Variants in UNC79 observed in about 807,000 individuals in gnomAD.
UNC79 encodes the protein protein unc-79 homolog.
In UNC79, 37 loss-of-function variants were observed where a neutral mutation model predicts 283.1. That is an observed-to-expected ratio of 0.13 (90% confidence interval 0.10 to 0.17). The LOEUF (loss-of-function observed/expected upper bound fraction) is 0.17, where lower values mean the gene tolerates loss of function less well. UNC79 is among the 10% of genes least tolerant of loss of function. The pLI is 1.00. For synonymous variants in UNC79, 1,107 were observed against 1,200.2 expected (o/e 0.92, Z 1.61); for missense variants, 2,272 against 3,211.1 (o/e 0.71, Z 7.07).
chr14:93,593,884 G>A (rs762698793), intron 23 of UNC79, 47 bp downstream of exon 23: 11 of 1,512,066 alleles, frequency 7.3e-6, no homozygotes, highest in Admixed American at 6.5e-5. Context: ...CACAGTACAC[G>A]GGTGTCTGGT....
At chr14:93,695,850 C>T (rs1333766544) in intron 47 of UNC79, among the ~76,000 whole-genome samples, 2 of 126,854 alleles carry the variant, frequency 1.6e-5, no homozygotes, top group Non-Finnish European at 3.2e-5. Flanking sequence ...TAGATTTTGC[C>T]ACTGCAGTCC....
intron 8 of UNC79, among the ~76,000 whole-genome samples, chr14:93,526,224 G>A (rs1441212748): frequency 6.6e-6 from 1 of 152,116 alleles, no homozygotes; most frequent in Non-Finnish European, 1.5e-5. Flanking sequence ...TTCCTGTGCT[G>A]GGGCCATTTT....
intron 26 of UNC79, among the ~76,000 whole-genome samples, chr14:93,604,646 A>T (rs74073834): frequency 0.076 from 11,605 of 152,304 alleles, 1,016 homozygotes; most frequent in African/African-American, 0.22. Context: ...AATATAAAGT[A>T]TATTTATTGT....
intron 5 of UNC79, among the ~76,000 whole-genome samples, chr14:93,496,044 A>G (rs184957056): frequency 1.4e-4 from 22 of 152,364 alleles, no homozygotes; most frequent in African/African-American, 5.3e-4. Context: ...TACGGTATCT[A>G]GCAAATAATG....
At chr14:93,639,389 C>T (rs1256670586) in intron 32 of UNC79, among the ~76,000 whole-genome samples, 3 of 152,156 alleles carry the variant, frequency 2.0e-5, no homozygotes, top group East Asian at 1.9e-4. Flanking sequence ...ATGCGGTTTA[C>T]CGTGCTATTT....
At chr14:93,610,991 T>C (rs1387208283) in intron 26 of UNC79, among the ~76,000 whole-genome samples, 1 of 152,248 alleles carries the variant, frequency 6.6e-6, no homozygotes, top group Non-Finnish European at 1.5e-5. Flanking sequence ...ACATAGGTAT[T>C]GTATTTGGTC....
At chr14:93,348,923 G>T (rs893675579) in intron 1 of UNC79, among the ~76,000 whole-genome samples, 1 of 152,200 alleles carries the variant, frequency 6.6e-6, no homozygotes, top group African/African-American at 2.4e-5. Flanking sequence ...TAGAAGTTGG[G>T]CAACCCGCTG....
chr14:93,344,673 CAG>C (rs1441102580), intron 1 of UNC79, among the ~76,000 whole-genome samples: 1 of 152,202 alleles, frequency 6.6e-6, no homozygotes, highest in African/African-American at 2.4e-5. Flanking sequence ...GGCCAGGAAA[CAG>C]AGCAATGTTG....
At chr14:93,483,517 T>A (rs1265189763) in intron 4 of UNC79, among the ~76,000 whole-genome samples, 1 of 137,384 alleles carries the variant, frequency 7.3e-6, no homozygotes, top group Non-Finnish European at 1.6e-5. Flanking sequence ...AAGACCTGTC[T>A]GTCTTTTTTT....
intron 13 of UNC79, 131 bp downstream of exon 13, chr14:93,540,962 T>C: frequency 8.8e-6 from 10 of 1,133,428 alleles, no homozygotes; most frequent in Non-Finnish European, 1.2e-5. Flanking sequence ...GGGCTGAAGC[T>C]ATGGCAATAG....
intron 14 of UNC79, among the ~76,000 whole-genome samples, chr14:93,571,243 T>G (rs1460819116): frequency 6.6e-6 from 1 of 152,236 alleles, no homozygotes; most frequent in East Asian, 1.9e-4. Context: ...ATATACGATC[T>G]CTAACATCAG....
At chr14:93,674,006 C>T (rs187347052) in intron 41 of UNC79, among the ~76,000 whole-genome samples, 4 of 152,204 alleles carry the variant, frequency 2.6e-5, no homozygotes, top group Non-Finnish European at 5.9e-5. Context: ...GGCAGGCTTT[C>T]GAGAACTGGC....
intron 7 of UNC79, among the ~76,000 whole-genome samples, chr14:93,506,053 T>G (rs1268557237): frequency 6.6e-6 from 1 of 152,036 alleles, no homozygotes; most frequent in Non-Finnish European, 1.5e-5. Flanking sequence ...TCTTGCTATT[T>G]TCCCCTTTTT....
At chr14:93,594,279 T>C (rs915025750) in intron 23 of UNC79, among the ~76,000 whole-genome samples, 1 of 150,224 alleles carries the variant, frequency 6.7e-6, no homozygotes, top group Non-Finnish European at 1.5e-5. Context: ...GTTTTTTGTG[T>C]TTTTTTTTGA....
At chr14:93,669,701 TA>T (rs1366032565) in intron 40 of UNC79, among the ~76,000 whole-genome samples, 3 of 152,042 alleles carry the variant, frequency 2.0e-5, no homozygotes, top group Admixed American at 2.0e-4. Flanking sequence ...TTAAAAAAAT[TA>T]GCTGGGCATG....
At chr14:93,435,718 T>C (rs1031635856) in intron 1 of UNC79, among the ~76,000 whole-genome samples, 1 of 152,244 alleles carries the variant, frequency 6.6e-6, no homozygotes, top group South Asian at 2.1e-4. Context: ...CTAAACTTTT[T>C]ACTCTCTGCC....
At chr14:93,668,978 T>TAAAAAAAAAAAAAAAA (rs543609091) in intron 40 of UNC79, among the ~76,000 whole-genome samples, 1 of 79,898 alleles carries the variant, frequency 1.3e-5, no homozygotes, top group African/African-American at 4.4e-5. Context: ...GAACATTGTC[T>TAAAAAAAAAAAAAAAA]AAAAAAAAAA....
At chr14:93,428,830 TTAAG>T (rs1160717366), upstream of UNC79, among the ~76,000 whole-genome samples, 16 of 152,114 alleles carry the variant, frequency 1.1e-4, no homozygotes, top group Non-Finnish European at 7.4e-5. Context: ...CATGGAGAAG[TTAAG>T]TAACTTGCAC....
intron 1 of UNC79, among the ~76,000 whole-genome samples, chr14:93,420,700 T>C (rs2055577719): frequency 1.3e-5 from 2 of 151,774 alleles, no homozygotes; most frequent in South Asian, 4.2e-4. Flanking sequence ...ATAGACCATA[T>C]ATTAGGTCAC....
Sources: allele counts gnomAD v4.1 joint callset (sites outside exome capture counted in the v4.1 genomes callset), GRCh38; gene constraint gnomAD v4.1.1; transcripts MANE v1.5; gene names NCBI Gene and HGNC (gene_info 2026-07-23, HGNC 2026-07-21).